Variants in PCDH17 observed in about 807,000 individuals in gnomAD.
PCDH17 encodes protocadherin 17.
PCDH17 carries 21 observed loss-of-function variants against 67.7 expected under a neutral mutation model. That is an observed-to-expected ratio of 0.31 (90% CI 0.22 to 0.45). The LOEUF is 0.45. Among genes scored for constraint, PCDH17 ranks in the 20% least tolerant of loss-of-function variants. The pLI, the probability that PCDH17 is intolerant of heterozygous loss-of-function variation, is 1.00. For missense variants in PCDH17, 1,471 were observed against 1,564.8 expected, an observed-to-expected ratio of 0.94 and a Z score of 1.01; for synonymous variants, 701 against 656.7, an observed-to-expected ratio of 1.07 and a Z score of -1.03.
chr13:57,635,655 G>A (rs980644521), intron 1 of PCDH17, among the ~76,000 whole-genome samples: 1 of 152,070 alleles, frequency 6.6e-6, no homozygotes, highest in Non-Finnish European at 1.5e-5. Context: ...ATATTTTAAA[G>A]GTGCTTTAAA....
intron 3 of PCDH17, among the ~76,000 whole-genome samples, chr13:57,709,226 T>C (rs746325593): frequency 1.3e-5 from 2 of 151,714 alleles, no homozygotes; most frequent in Non-Finnish European, 2.9e-5. Context: ...ATATATTGTA[T>C]AACTAATATT....
rs1212856875 is a variant in PCDH17 at position 57,727,725 on chromosome 13, G to T, written c.*2431G>T. 3 of 152,048 alleles carry T rather than the reference G, an allele frequency of 2.0e-5. No homozygotes were observed. The East Asian group carries it at 5.8e-4, about 29-fold the overall frequency. The allele number at this position is 152,048 out of a possible 1,614,324, so 9.4% of individuals were successfully genotyped here. ...CTGAAATGTGTTGTCTCTGTTATAT[G>T]ATGTTATTTTTGCCAGGAGACTACA... On this transcript the variant is annotated 3_prime_UTR_variant, in exon 4 of 4. Coordinates refer to ENST00000377918, the MANE Select transcript of PCDH17 (RefSeq NM_001040429.3).
At chr13:57,690,573 C>A (rs561276394) in intron 3 of PCDH17, among the ~76,000 whole-genome samples, 2 of 151,562 alleles carry the variant, frequency 1.3e-5, no homozygotes, top group South Asian at 4.2e-4. Flanking sequence ...ACTATAACTT[C>A]TTTTACCAAA....
At chr13:57,644,975 G>A (rs1954948106) in intron 1 of PCDH17, among the ~76,000 whole-genome samples, 1 of 151,688 alleles carries the variant, frequency 6.6e-6, no homozygotes, top group Admixed American at 6.6e-5. Flanking sequence ...AGTAGCCATG[G>A]AAGTGATCCC....
rs1174865117 is a variant in PCDH17, at chr13:57,632,676, C to G, written c.130C>G (p.Leu44Val). The change falls in exon 1 of 4, where the codon CTG becomes GTG. Residue 44 changes from leucine (L) to valine (V), a missense_variant. By Grantham distance (32) the Leu-to-Val change is conservative. Coordinates refer to ENST00000377918, the MANE Select transcript of PCDH17 (RefSeq NM_001040429.3). ...VIGNIGRDAR[L>V]QPGLPPAERG... ...CGGGAACATCGGCAGGGATGCTCGA[C>G]TGCAGCCTGGGCTTCCGCCTGCAGA... is the stretch of plus-strand genomic sequence containing the variant. The G allele has an allele frequency of 6.2e-7, 1 of 1,611,660 alleles. No individual in the cohort carries two copies. The highest frequency in any genetic ancestry group is 8.5e-7 in the Non-Finnish European group (1 of 1,179,928).
At chr13:57,686,552 T>C (rs1028321707) in intron 3 of PCDH17, among the ~76,000 whole-genome samples, 15 of 151,904 alleles carry the variant, frequency 9.9e-5, no homozygotes, top group Admixed American at 9.2e-4. Context: ...ATTTATGTGG[T>C]GGTCAGTTTG....
intron 3 of PCDH17, among the ~76,000 whole-genome samples, chr13:57,673,546 T>C (rs544761474): frequency 6.6e-6 from 1 of 151,966 alleles, no homozygotes. Context: ...CTCCTTGTAG[T>C]GGCCATATGC....
Position 57,724,999 on chromosome 13 carries a change from G to A in PCDH17, c.3185G>A (p.Gly1062Glu). 6.2e-7 allele frequency: 1 copy of A among 1,614,140 alleles called. No individual in the cohort carries two copies. The highest frequency in any genetic ancestry group is 8.5e-7 in the Non-Finnish European group (1 of 1,180,018). ...CTGGATGGCTGTGAAGCAAAACCAGGAGCCCTGGCTGAAGCAAGCAGTCAG... is the reference window on the plus strand; with the variant it reads ...CTGGATGGCTGTGAAGCAAAACCAGAAGCCCTGGCTGAAGCAAGCAGTCAG... ...GSLDGCEAKP[G>E]ALAEASSQYL... is the part of the protein sequence containing the mutation. The change falls in exon 4 of 4, where the codon GGA (glycine) becomes GAA (glutamate). Residue 1062 changes from glycine to glutamate, a missense_variant. Transcript: ENST00000377918.
At chr13:57,650,196 T>G (rs1264136530) in intron 1 of PCDH17, among the ~76,000 whole-genome samples, 1 of 150,168 alleles carries the variant, frequency 6.7e-6, no homozygotes, top group Admixed American at 6.7e-5. Context: ...GATGTAAATA[T>G]TTGAGATTTC....
At chr13:57,640,397 G>T (rs978451257) in intron 1 of PCDH17, among the ~76,000 whole-genome samples, 2 of 151,940 alleles carry the variant, frequency 1.3e-5, no homozygotes, top group African/African-American at 2.4e-5. Flanking sequence ...GTGTATAAAT[G>T]TATATGTCTT....
intron 1 of PCDH17, among the ~76,000 whole-genome samples, chr13:57,659,939 A>G (rs1263274344): frequency 6.6e-6 from 1 of 152,140 alleles, no homozygotes; most frequent in African/African-American, 2.4e-5. Context: ...TTTGGAAGAA[A>G]TAAAATTTGA....
At chr13:57,706,924 G>C (rs1171204902) in intron 3 of PCDH17, among the ~76,000 whole-genome samples, 1 of 152,024 alleles carries the variant, frequency 6.6e-6, no homozygotes, top group Non-Finnish European at 1.5e-5. Context: ...TTTTCCTTAA[G>C]AGTTCATTCC....
At chr13:57,716,614 T>C (rs1413302588) in intron 3 of PCDH17, among the ~76,000 whole-genome samples, 1 of 151,938 alleles carries the variant, frequency 6.6e-6, no homozygotes, top group Non-Finnish European at 1.5e-5. Flanking sequence ...GTATTTCTGC[T>C]GCTTGACGTT....
At chr13:57,719,396 T>G (rs1479530493) in intron 3 of PCDH17, among the ~76,000 whole-genome samples, 2 of 152,024 alleles carry the variant, frequency 1.3e-5, no homozygotes, top group Non-Finnish European at 2.9e-5. Flanking sequence ...GATGCCATGA[T>G]TTATAGATTT....
intron 3 of PCDH17, among the ~76,000 whole-genome samples, chr13:57,723,980 A>T (rs1555288957): frequency 6.6e-6 from 1 of 152,230 alleles, no homozygotes; most frequent in Non-Finnish European, 1.5e-5. Flanking sequence ...AACTGATTAC[A>T]TGATCCATAC....
chr13:57,642,562 T>A, intron 1 of PCDH17, among the ~76,000 whole-genome samples: 1 of 151,652 alleles, frequency 6.6e-6, no homozygotes, highest in Non-Finnish European at 1.5e-5. Flanking sequence ...TTCATTCAGC[T>A]GTTTTTGATA....
At position 57,693,315 on chromosome 13, in the gene PCDH17, CATATAT is replaced by C. The variant is rs59643529; in HGVS notation, c.2797+26507_2797+26512del. Among the ~76,000 whole-genome samples the C allele has an allele frequency of 3.6e-3, 321 of 89,354 alleles. 13 individuals carry two copies. In the East Asian group the frequency reaches 0.037, roughly 10 times the overall value. 58.6% of individuals were successfully genotyped at this position (89,354 alleles called of 152,430 possible). ...CTTGGTATATTTGTTCACTTACATT[CATATAT>C]ATATATATATATATATATATATATC... On this transcript the variant is annotated intron_variant, in intron 3 of 3. Coordinates refer to ENST00000377918, the MANE Select transcript of PCDH17 (RefSeq NM_001040429.3).
chr13:57,685,864 T>C (rs1933959409), intron 3 of PCDH17, among the ~76,000 whole-genome samples: 1 of 151,946 alleles, frequency 6.6e-6, no homozygotes, highest in South Asian at 2.1e-4. Flanking sequence ...GGCAGGAGCA[T>C]CTCCTGAAGG....
At chr13:57,641,578 AAAAAAAAAAATAT>A (rs1476617370) in intron 1 of PCDH17, among the ~76,000 whole-genome samples, 9 of 84,810 alleles carry the variant, frequency 1.1e-4, no homozygotes, top group East Asian at 4.7e-4. Flanking sequence ...AAAAAAAAAA[AAAAAAAAAAATAT>A]ATATATATAT....
Sources: allele counts gnomAD v4.1 joint callset (sites outside exome capture counted in the v4.1 genomes callset), GRCh38; gene constraint gnomAD v4.1.1; transcripts MANE v1.5; gene names NCBI Gene and HGNC (gene_info 2026-07-23, HGNC 2026-07-21).